ZNF215: variants seen among roughly 807,000 people sequenced by gnomAD.
ZNF215 encodes the protein BWSCR2-associated zinc finger protein 2.
ZNF215 carries 24 observed loss-of-function variants against 27.2 expected under a neutral mutation model. The ratio of observed to expected loss-of-function variants is 0.88; its 90% CI spans 0.64 to 1.24. ZNF215 has a LOEUF of 1.24. ZNF215 is among the 50% of genes most tolerant of loss of function. The pLI is 0.00. For synonymous variants in ZNF215, 210 were observed against 204.0 expected (o/e 1.03, Z -0.25); for missense variants, 675 against 605.7 (o/e 1.11, Z -1.20).
chr11:6,988,005 A>G (rs1443476258), downstream of ZNF215, among the ~76,000 whole-genome samples: 4 of 152,176 alleles, frequency 2.6e-5, no homozygotes, highest in African/African-American at 9.7e-5. Flanking sequence ...AACCTCACTT[A>G]TCAACTATAT....
At chr11:6,939,903 A>G (rs1445482817) in intron 3 of ZNF215, among the ~76,000 whole-genome samples, 1 of 152,146 alleles carries the variant, frequency 6.6e-6, no homozygotes, top group Non-Finnish European at 1.5e-5. Flanking sequence ...GAGCAGATTG[A>G]CATTCCACAA....
chr11:6,958,603 A>T (rs903604554), downstream of ZNF215, among the ~76,000 whole-genome samples: 2 of 152,220 alleles, frequency 1.3e-5, no homozygotes, highest in African/African-American at 4.8e-5. Context: ...CAGAACCAAT[A>T]GGATAAATGT....
chr11:6,941,782 A>G, intron 4 of ZNF215, 129 bp downstream of exon 4: 2 of 898,254 alleles, frequency 2.2e-6, no homozygotes, highest in Non-Finnish European at 3.4e-6. Flanking sequence ...TTATTTTCCC[A>G]CAGGACACTG....
At chr11:6,955,452 C>T (rs761218838) in intron 6 of ZNF215, among the ~76,000 whole-genome samples, 7 of 152,126 alleles carry the variant, frequency 4.6e-5, no homozygotes, top group African/African-American at 9.7e-5. Context: ...ATATTTTACT[C>T]GAGCCCTATA....
intron 6 of ZNF215, among the ~76,000 whole-genome samples, chr11:6,955,112 G>C (rs925770332): frequency 3.9e-5 from 6 of 152,120 alleles, no homozygotes; most frequent in Non-Finnish European, 7.4e-5. Context: ...GAGTTATTTT[G>C]AGCCCAGAAA....
chr11:6,953,797 G>A (rs1850195841), intron 6 of ZNF215, among the ~76,000 whole-genome samples: 1 of 152,222 alleles, frequency 6.6e-6, no homozygotes, highest in Non-Finnish European at 1.5e-5. Flanking sequence ...TTCCTTTGGA[G>A]GAGGAGAGGC....
At chr11:6,992,682 G>T (rs1851128549), downstream of ZNF215, among the ~76,000 whole-genome samples, 1 of 152,172 alleles carries the variant, frequency 6.6e-6, no homozygotes, top group African/African-American at 2.4e-5. Context: ...TTTTCTTTCA[G>T]CTTCTACAAT....
intron 5 of ZNF215, among the ~76,000 whole-genome samples, chr11:6,968,156 G>A (rs775995257): frequency 6.6e-6 from 1 of 152,080 alleles, no homozygotes; most frequent in Non-Finnish European, 1.5e-5. Flanking sequence ...ATCTGTTTTG[G>A]TAGTAGTACC....
Position 6,956,689 on chromosome 11 carries a change from A to T in ZNF215, c.*158A>T. 1 of 1,386,632 alleles carries T rather than the reference A, an allele frequency of 7.2e-7. No individual in the cohort carries two copies. Among genetic ancestry groups the T allele is most frequent in the Non-Finnish European group, 9.3e-7 (1 of 1,078,484 alleles). The allele number at this position is 1,386,632 out of a possible 1,614,324, so 85.9% of individuals were successfully genotyped here. Reference sequence around the variant, plus strand: ...AGAATTAATGTTGGATAGAAATATCATTGGATAGAAATCTGTTTGAAGGAA... The same window carrying T: ...AGAATTAATGTTGGATAGAAATATCTTTGGATAGAAATCTGTTTGAAGGAA... On this transcript the variant is annotated 3_prime_UTR_variant, in exon 7 of 7. Coordinates refer to ENST00000278319, the MANE Select transcript of ZNF215 (RefSeq NM_013250.4).
At chr11:6,932,726 G>A in intron 3 of ZNF215, 54 bp downstream of exon 3, 1 of 1,510,324 alleles carries the variant, frequency 6.6e-7, no homozygotes, top group Non-Finnish European at 8.9e-7. Flanking sequence ...CATGTAAAGA[G>A]AAATTATCTT....
chr11:6,942,811 TC>T (rs575388518), intron 4 of ZNF215, among the ~76,000 whole-genome samples: 51 of 152,318 alleles, frequency 3.3e-4, no homozygotes, highest in African/African-American at 8.4e-4. Context: ...TTGTCTTTTT[TC>T]CCCCTCAACC....
rs1348611706 is a variant in ZNF215, at chr11:6,943,127, A to G, written c.528A>G (p.Glu176=). The change falls in exon 5 of 7, where the codon GAA becomes GAG. Residue 176 remains glutamate (E), a synonymous_variant. Coordinates refer to ENST00000278319, the MANE Select transcript of ZNF215 (RefSeq NM_013250.4). ...ATGTGGTTGTGGAATTCAGCAAGGAAGAGTGGGGGCAACTGGACTCTGCTG... is the reference window on the plus strand; with the variant it reads ...ATGTGGTTGTGGAATTCAGCAAGGAGGAGTGGGGGCAACTGGACTCTGCTG... ...FKDVVVEFSK[E]EWGQLDSAVK... 2 of 1,613,884 alleles carry G rather than the reference A, an allele frequency of 1.2e-6. No homozygotes were observed. Among genetic ancestry groups the G allele is most frequent in the South Asian group, 1.1e-5 (1 of 91,038 alleles).
intron 5 of ZNF215, among the ~76,000 whole-genome samples, chr11:6,978,601 G>T (rs979731215): frequency 6.6e-6 from 1 of 151,962 alleles, no homozygotes; most frequent in Non-Finnish European, 1.5e-5. Flanking sequence ...AGATGGACAG[G>T]TATGATATAT....
Position 6,955,780 on chromosome 11 carries a change from A to G in ZNF215, c.803A>G (p.Lys268Arg). ...GGACACCCTTCTTCAGATGCCTGGA[A>G]AGGTGAGAATTGGTTATATAGGAAC... ...ESGHPSSDAWKGENWLYRNQK... is the reference protein window; with the variant it reads ...ESGHPSSDAWRGENWLYRNQK... The change falls in exon 7 of 7, where the codon AAA (lysine) becomes AGA (arginine). Residue 268 changes from lysine (K) to arginine (R), a missense_variant. Transcript: ENST00000278319. 2 of 1,613,020 alleles carry G rather than the reference A, an allele frequency of 1.2e-6. No individual in the cohort carries two copies. The highest frequency in any genetic ancestry group is 2.2e-5 in the South Asian group (2 of 90,556).
chr11:6,929,054 C>T (rs1321081463), intron 2 of ZNF215, among the ~76,000 whole-genome samples: 1 of 152,136 alleles, frequency 6.6e-6, no homozygotes, highest in Non-Finnish European at 1.5e-5. Flanking sequence ...TTCAGGGCAA[C>T]TGGAAGCAAT....
chr11:6,953,358 A>T (rs181522506), intron 6 of ZNF215, among the ~76,000 whole-genome samples: 2 of 152,290 alleles, frequency 1.3e-5, no homozygotes, highest in African/African-American at 2.4e-5. Context: ...TTTCCCCGTC[A>T]CTTTCAGATA....
downstream of ZNF215, among the ~76,000 whole-genome samples, chr11:6,961,484 A>C (rs1287270324): frequency 6.6e-6 from 1 of 152,154 alleles, no homozygotes; most frequent in Non-Finnish European, 1.5e-5. Flanking sequence ...CCAAATTCTC[A>C]GCTTCATCAG....
At chr11:6,951,450 G>T (rs1417266988) in intron 6 of ZNF215, among the ~76,000 whole-genome samples, 2 of 152,132 alleles carry the variant, frequency 1.3e-5, no homozygotes, top group African/African-American at 4.8e-5. Flanking sequence ...CTTCTTCCTT[G>T]TTTAGTCTTG....
intron 5 of ZNF215, among the ~76,000 whole-genome samples, chr11:6,974,327 G>A (rs141566872): frequency 5.9e-5 from 9 of 151,934 alleles, no homozygotes; most frequent in Admixed American, 2.6e-4. Flanking sequence ...GTCAGGTAGC[G>A]TGATGCCTCC....
Sources: gnomAD v4.1 joint callset for allele counts (sites outside exome capture counted in the v4.1 genomes callset) on GRCh38, gnomAD v4.1.1 for gene constraint, MANE v1.5 for transcripts, NCBI Gene and HGNC (gene_info 2026-07-23, HGNC 2026-07-21) for gene names.